HORMAD1: variants seen among roughly 807,000 people sequenced by gnomAD.
The protein encoded by HORMAD1 is HORMA domain-containing protein 1.
In HORMAD1, 33 loss-of-function variants were observed where a neutral mutation model predicts 58.2. The observed-to-expected ratio is 0.57, with a 90% CI of 0.43 to 0.76. The LOEUF is 0.76. HORMAD1 is among the 30% of genes least tolerant of loss of function. The probability of loss-of-function intolerance (pLI) is 0.00; values close to 1 mark genes in which losing one functional copy is unlikely to be tolerated. For missense variants in HORMAD1, 363 were observed against 462.0 expected, an observed-to-expected ratio of 0.79 and a Z score of 1.96; for synonymous variants, 137 against 144.6, an observed-to-expected ratio of 0.95 and a Z score of 0.38.
chr1:150,717,345 CTT>C lies in HORMAD1; in HGVS notation c.34-65_34-64del, dbSNP rs1652112140. The C allele has an allele frequency of 7.4e-6, 8 of 1,076,916 alleles. No individual in the cohort carries two copies. In the Middle Eastern group the frequency reaches 1.3e-3, roughly 174 times the overall value. 66.7% of individuals were successfully genotyped at this position (1,076,916 alleles called of 1,614,324 possible). A position where few individuals can be genotyped will look rare whatever the true frequency, so the allele number is the denominator to read the frequency against. ...TTATTAAAAATAAAGTTTCTCTTGA[CTT>C]AACATATATCCAATTTTGTATAATC... On this transcript the variant is annotated intron_variant, in intron 2 of 14. Coordinates refer to ENST00000361824, the MANE Select transcript of HORMAD1 (RefSeq NM_032132.5).
chr1:150,710,375 G>C (rs186354565), intron 7 of HORMAD1, among the ~76,000 whole-genome samples: 5 of 152,280 alleles, frequency 3.3e-5, no homozygotes, highest in African/African-American at 1.2e-4. Context: ...CTAAAAAAGA[G>C]ATTAAAGACA....
chr1:150,706,725 T>C lies in HORMAD1; in HGVS notation c.632A>G (p.Asn211Ser). Residue 211 changes from asparagine to serine, a missense_variant, in exon 10 of 15, where the codon AAT becomes AGT. Asn to Ser is a conservative substitution (Grantham distance 46). This residue lies in a region of HORMAD1 where 226 missense variants were observed against 257.8 expected (regional missense o/e 0.88). Transcript: ENST00000361824. ...AAAAGGTGTTGAGACTTCTCCCACATTTAAATACATAGGTTCCCCTTCAAA... is the reference window on the plus strand; with the variant it reads ...AAAAGGTGTTGAGACTTCTCCCACACTTAAATACATAGGTTCCCCTTCAAA... ...VIFEGEPMYL[N>S]VGEVSTPFHI... 6.2e-7 allele frequency: 1 copy of C among 1,613,742 alleles called. No individual in the cohort carries two copies. Among genetic ancestry groups the C allele is most frequent in the South Asian group, 1.1e-5 (1 of 91,058 alleles).
In HORMAD1 at chr1:150,717,165, A is replaced by G; in HGVS notation, c.151T>C (p.Cys51Arg). The change falls in exon 3 of 15, where the codon TGC becomes CGC. Residue 51 changes from cysteine to arginine, a missense_variant. Physicochemically the swap from Cys to Arg is radical, Grantham distance 180. Transcript: ENST00000361824. The stretch of plus-strand genomic sequence containing the variant: ...TCTAGATATCTTGTTCCATAAGCGC[A>G]TTCTGGGAATATTCCCCTCAAATAC... Reference protein sequence around the residue: ...ITYLRGIFPECAYGTRYLDDL... With the variant: ...ITYLRGIFPERAYGTRYLDDL... 1 of 1,581,228 alleles carries G rather than the reference A, an allele frequency of 6.3e-7. No homozygotes were observed. Among genetic ancestry groups the G allele is most frequent in the Non-Finnish European group, 8.6e-7 (1 of 1,160,564 alleles).
chr1:150,710,234 GGA>G (rs1207952339), intron 7 of HORMAD1, among the ~76,000 whole-genome samples: 1 of 152,014 alleles, frequency 6.6e-6, no homozygotes, highest in Non-Finnish European at 1.5e-5. Context: ...CCACATGGAA[GGA>G]ACTCCTTAGC....
intron 2 of HORMAD1, 27 bp from the exon 3 acceptor site, chr1:150,717,309 T>C: frequency 7.4e-7 from 1 of 1,346,372 alleles, no homozygotes; most frequent in Non-Finnish European, 1.0e-6. Context: ...AGTAGAACAC[T>C]TTATTTAAAT....
intron 7 of HORMAD1, among the ~76,000 whole-genome samples, chr1:150,710,651 A>G (rs1428330730): frequency 1.3e-5 from 2 of 152,236 alleles, no homozygotes; most frequent in African/African-American, 2.4e-5. Context: ...CAGCATGGAT[A>G]CATATTAAGC....
At chr1:150,720,710 A>C (rs1304983930) in intron 1 of HORMAD1, 94 bp downstream of exon 1, 1 of 152,276 alleles carries the variant, frequency 6.6e-6, no homozygotes, top group Non-Finnish European at 1.5e-5. Context: ...AGACCTTAAG[A>C]AACTTAAAAG....
chr1:150,706,410 T>C, intron 10 of HORMAD1, 143 bp downstream of exon 10: 1 of 721,048 alleles, frequency 1.4e-6, no homozygotes. Flanking sequence ...ACCATAGGCC[T>C]AGACTTTAAG....
rs148815885 is a variant in HORMAD1 at position 150,700,116 on chromosome 1, C to T, written c.1100G>A (p.Arg367Lys). ...ATACATTATCATAAGACTTACTATT[C>T]TCCCAGATTCATGTTGACTTCTCTT... The part of the protein sequence containing the change: ...NRKRSQHESG[R>K]IVLHHFDSSS... The change falls in exon 14 of 15, where the codon AGA becomes AAA. Residue 367 changes from arginine (R) to lysine (K), a missense_variant. Around this residue, in one of 3 missense-constraint regions of HORMAD1, gnomAD observed 226 missense variants for 257.8 expected, o/e 0.88. Transcript: ENST00000361824. The T allele has an allele frequency of 1.8e-5, 27 of 1,473,446 alleles. No individual in the cohort carries two copies. The highest frequency in any genetic ancestry group is 3.5e-4 in the Middle Eastern group (2 of 5,790). The allele number at this position is 1,473,446 out of a possible 1,614,324, so 91.3% of individuals were successfully genotyped here.
intron 1 of HORMAD1, among the ~76,000 whole-genome samples, chr1:150,720,351 G>A (rs1652213021): frequency 6.6e-6 from 1 of 152,098 alleles, no homozygotes; most frequent in African/African-American, 2.4e-5. Flanking sequence ...GTGAAGCACC[G>A]TGCCCGGCCG....
chr1:150,698,391 T>A lies in HORMAD1; in HGVS notation c.*263A>T, dbSNP rs1330741199. The A allele has an allele frequency of 4.2e-6, 1 of 238,196 alleles. No individual in the cohort carries two copies. The highest frequency in any genetic ancestry group is 8.0e-6 in the Non-Finnish European group (1 of 125,006). The allele number at this position is 238,196 out of a possible 1,614,324, so 14.8% of individuals were successfully genotyped here. A position where few individuals can be genotyped will look rare whatever the true frequency, so the allele number is the denominator to read the frequency against. On this transcript the variant is annotated 3_prime_UTR_variant, in exon 15 of 15. Transcript: ENST00000361824. The stretch of plus-strand genomic sequence containing the variant: ...GTATATATTTAAAGGAAATATTAAG[T>A]AGGTAATGAACAAAATCAATTTTGA...
At chr1:150,717,318 A>G (rs777168189) in intron 2 of HORMAD1, 36 bp from the exon 3 acceptor site, 9 of 1,332,530 alleles carry the variant, frequency 6.8e-6, no homozygotes, top group Non-Finnish European at 9.1e-6. Flanking sequence ...CTTTATTTAA[A>G]TTTATTAAAA....
chr1:150,720,645 A>C (rs1652222303), intron 1 of HORMAD1, among the ~76,000 whole-genome samples, 159 bp downstream of exon 1: 1 of 152,146 alleles, frequency 6.6e-6, no homozygotes, highest in South Asian at 2.1e-4. Flanking sequence ...CATCTCAAGA[A>C]CCTCTGTTGA....
chr1:150,720,587 G>T (rs1222898401), intron 1 of HORMAD1, among the ~76,000 whole-genome samples: 1 of 152,176 alleles, frequency 6.6e-6, no homozygotes, highest in Non-Finnish European at 1.5e-5. Flanking sequence ...TACGTTAAAC[G>T]TTTAAATTTA....
rs1395303757 is a variant in HORMAD1 at position 150,711,588 on chromosome 1, T to A, written c.301-17A>T. 6.3e-7 allele frequency: 1 copy of A among 1,581,976 alleles called. No individual in the cohort carries two copies. Among genetic ancestry groups the A allele is most frequent in the Admixed American group, 1.7e-5 (1 of 59,724 alleles). ...TGTGTATACCTATTTAAAAACAATT[T>A]ACAATTGAGTTATCTAAGGCTAAGT... On this transcript the variant is annotated splice_polypyrimidine_tract_variant and intron_variant, in intron 6 of 14. Coordinates refer to ENST00000361824, the MANE Select transcript of HORMAD1 (RefSeq NM_032132.5).
At position 150,706,806 on chromosome 1, in the gene HORMAD1, G is replaced by A. The variant is rs1186897209; in HGVS notation, c.551C>T (p.Thr184Ile). The change falls in exon 10 of 15, where the codon ACA becomes ATA. Residue 184 changes from threonine (T) to isoleucine (I), a missense_variant. Transcript: ENST00000361824. ...ACCGGGAGGCTGGTAATCTGGGGGT[G>A]TAACTGCAAAAAAGTAAGTGTAAAC... ...TMKLFYYDEVTPPDYQPPGFK... is the reference protein window; with the variant it reads ...TMKLFYYDEVIPPDYQPPGFK... 1.2e-6 allele frequency: 2 copies of A among 1,602,208 alleles called. No individual in the cohort carries two copies. The highest frequency in any genetic ancestry group is 1.7e-5 in the Admixed American group (1 of 57,264).
rs587720114 is a variant in HORMAD1 at position 150,717,948 on chromosome 1, A to G, written c.34-666T>C. Among the ~76,000 whole-genome samples, 7 of 152,334 alleles carry G rather than the reference A, an allele frequency of 4.6e-5. No individual in the cohort carries two copies. In the East Asian group the frequency reaches 9.6e-4, roughly 21 times the overall value. ...GTGACAAAGCGAGACTCCATCTCAA[A>G]AAAAAAGTATATAATCATTATATAA... On this transcript the variant is annotated intron_variant, in intron 2 of 14. Coordinates refer to ENST00000361824, the MANE Select transcript of HORMAD1 (RefSeq NM_032132.5).
At position 150,703,379 on chromosome 1, in the gene HORMAD1, G is replaced by GACTA; in HGVS notation, c.959_962dup (p.Asn322SerfsTer3). 1.3e-6 allele frequency: 2 copies of GACTA among 1,558,036 alleles called. No individual in the cohort carries two copies. Among genetic ancestry groups the GACTA allele is most frequent in the Non-Finnish European group, 1.8e-6 (2 of 1,140,092 alleles). Reference sequence around the variant, plus strand: ...ACATATCAAGTTCAGATGTTTTATTGACTAACTGCTCAACCTAAAAAAGAA... The same window carrying GACTA: ...ACATATCAAGTTCAGATGTTTTATTGACTAACTAACTGCTCAACCTAAAAAAGAA... On this transcript the variant is annotated frameshift_variant, in exon 13 of 15. Transcript: ENST00000361824. LOFTEE classifies it high-confidence loss of function.
intron 3 of HORMAD1, among the ~76,000 whole-genome samples, chr1:150,716,150 CTTTTTTT>C (rs752800084): frequency 2.9e-5 from 2 of 68,774 alleles, no homozygotes; most frequent in Non-Finnish European, 5.1e-5. Context: ...CAAAGGACCA[CTTTTTTT>C]TTTTTTTTTT....
Sources: gnomAD v4.1 joint callset for allele counts (sites outside exome capture counted in the v4.1 genomes callset) on GRCh38, gnomAD v4.1.1 for gene constraint, gnomAD v4.1.1 regional missense constraint, MANE v1.5 for transcripts, NCBI Gene and HGNC (gene_info 2026-07-23, HGNC 2026-07-21) for gene names.